Variants in PARP1 observed in about 807,000 individuals in gnomAD.
PARP1 encodes poly [ADP-ribose] polymerase 1.
A neutral mutation model predicts 118.7 loss-of-function variants in PARP1; 44 were observed. The observed-to-expected ratio is 0.37, with a 90% CI of 0.29 to 0.48. The LOEUF (loss-of-function observed/expected upper bound fraction) is 0.48, where lower values mean the gene tolerates loss of function less well. PARP1 is among the 20% of genes least tolerant of loss of function. The probability of loss-of-function intolerance (pLI) is 0.99; values close to 1 mark genes in which losing one functional copy is unlikely to be tolerated. For synonymous variants in PARP1, 492 were observed against 483.2 expected, an observed-to-expected ratio of 1.02 and a Z score of -0.24; for missense variants, 1,100 against 1,272.4, an observed-to-expected ratio of 0.86 and a Z score of 2.06.
chr1:226,367,087 T>C (rs1003120902), intron 17 of PARP1: 4 of 279,310 alleles, frequency 1.4e-5, no homozygotes, highest in South Asian at 4.0e-5. Context: ...ACTTCTGAAA[T>C]GGACACCGGT....
At chr1:226,405,267 A>G (rs1190347131) in intron 1 of PARP1, among the ~76,000 whole-genome samples, 3 of 152,148 alleles carry the variant, frequency 2.0e-5, no homozygotes, top group Non-Finnish European at 4.4e-5. Context: ...TATCAAGTAT[A>G]CCAAAGGAAA....
chr1:226,397,042 T>G (rs1264236654), intron 2 of PARP1, among the ~76,000 whole-genome samples: 1 of 151,736 alleles, frequency 6.6e-6, no homozygotes, highest in East Asian at 1.9e-4. Context: ...CTATAAACCC[T>G]GTGCTTTGGG....
At chr1:226,366,121 G>C in intron 17 of PARP1, 69 bp from the exon 18 acceptor site, 3 of 1,057,926 alleles carry the variant, frequency 2.8e-6, no homozygotes, top group Admixed American at 1.7e-5. Flanking sequence ...GAATGCTCAG[G>C]CTCAGTCAAT....
chr1:226,384,522 T>C (rs1011463307), intron 7 of PARP1, among the ~76,000 whole-genome samples: 6 of 152,232 alleles, frequency 3.9e-5, no homozygotes, highest in East Asian at 1.9e-4. Context: ...GAATGGCACA[T>C]TGCTTATTGC....
At chr1:226,374,094 C>T in intron 14 of PARP1, 132 bp downstream of exon 14, 1 of 1,040,850 alleles carries the variant, frequency 9.6e-7, no homozygotes, top group East Asian at 2.5e-5. Context: ...GATTGAAGGA[C>T]AGGTACAAGA....
chr1:226,376,872 T>C (rs1167413967), intron 13 of PARP1, among the ~76,000 whole-genome samples: 1 of 152,216 alleles, frequency 6.6e-6, no homozygotes, highest in African/African-American at 2.4e-5. Flanking sequence ...AACTGCTCTG[T>C]AGTTCTCCTG....
chr1:226,377,544 G>T (rs993704634), intron 12 of PARP1, among the ~76,000 whole-genome samples: 1 of 152,140 alleles, frequency 6.6e-6, no homozygotes, highest in South Asian at 2.1e-4. Flanking sequence ...ACTTGGTTCT[G>T]GCAGCCAAGC....
chr1:226,400,118 A>G (rs1286426833), intron 2 of PARP1, among the ~76,000 whole-genome samples: 3 of 152,178 alleles, frequency 2.0e-5, no homozygotes, highest in Admixed American at 1.3e-4. Context: ...ACACCTCTCA[A>G]TGGGGGAGAT....
chr1:226,380,034 G>A lies in PARP1; in HGVS notation c.1431C>T (p.Ile477=), dbSNP rs774081776. 6.2e-7 allele frequency: 1 copy of A among 1,614,220 alleles called. No homozygotes were observed. The highest frequency in any genetic ancestry group is 1.7e-5 in the Admixed American group (1 of 60,028). ...TCACCTCTGCCCCCCAAGGGGACAA[G>A]ATGTGCGCTAAGAACAACTCCTGAA... The part of the protein sequence containing the change: ...KSLQELFLAH[I]LSPWGAEVKA... The change falls in exon 10 of 23, where the codon ATC becomes ATT. Residue 477 remains isoleucine (I), a synonymous_variant. Coordinates refer to ENST00000366794, the MANE Select transcript of PARP1 (RefSeq NM_001618.4).
intron 1 of PARP1, 136 bp from the exon 2 acceptor site, chr1:226,402,515 T>A: frequency 6.1e-6 from 5 of 824,978 alleles, no homozygotes; most frequent in Non-Finnish European, 8.0e-6. Flanking sequence ...TTCTCCTATC[T>A]GTGAAAGGAG....
intron 18 of PARP1, among the ~76,000 whole-genome samples, chr1:226,365,443 C>T (rs1033127801): frequency 1.3e-5 from 2 of 152,190 alleles, no homozygotes; most frequent in Admixed American, 6.5e-5. Context: ...GGTTTGGGGA[C>T]AGGAAATGTC....
chr1:226,387,530 C>A (rs1411758752), intron 5 of PARP1, among the ~76,000 whole-genome samples: 2 of 152,178 alleles, frequency 1.3e-5, no homozygotes, highest in Non-Finnish European at 2.9e-5. Context: ...CACGTCTGCA[C>A]CTGTTTCCCA....
intron 4 of PARP1, 45 bp from the exon 5 acceptor site, chr1:226,388,800 G>A: frequency 7.0e-7 from 1 of 1,436,478 alleles, no homozygotes; most frequent in Non-Finnish European, 9.8e-7. Context: ...GCCATTAAAA[G>A]TCTGACACCC....
rs759984608 is a variant in PARP1, at chr1:226,362,013, G to A, written c.2919C>T (p.Thr973=). 8.7e-6 allele frequency: 14 copies of A among 1,612,848 alleles called. No individual in the cohort carries two copies. Among genetic ancestry groups the A allele is most frequent in the African/African-American group, 5.3e-5 (4 of 74,830 alleles). ...SLDGVDVPLG[T]GISSGVNDTS... is the part of the protein sequence containing the mutation. ...TGTCATTCACACCAGATGAAATCCC[G>A]GTCCCAAGAGGAACGTCTACACCAT... The change falls in exon 22 of 23, where the codon ACC becomes ACT. Residue 973 remains threonine (T), a synonymous_variant. Coordinates refer to ENST00000366794, the MANE Select transcript of PARP1 (RefSeq NM_001618.4).
At position 226,361,220 on chromosome 1, in the gene PARP1, T is replaced by G; in HGVS notation, c.*240A>C. 1.7e-6 allele frequency: 1 copy of G among 578,148 alleles called. No homozygotes were observed. Among genetic ancestry groups the G allele is most frequent in the South Asian group, 2.0e-5 (1 of 49,504 alleles). The allele number at this position is 578,148 out of a possible 1,614,324, so 35.8% of individuals were successfully genotyped here. A position where few individuals can be genotyped will look rare whatever the true frequency, so the allele number is the denominator to read the frequency against. On this transcript the variant is annotated 3_prime_UTR_variant, in exon 23 of 23. Transcript: ENST00000366794. ...CAGCCTTTTCTCTATGTCAGTTTTA[T>G]CTACCTGGCAAGAAAAAACAAAAAC...
chr1:226,381,341 C>T (rs1664602808), intron 8 of PARP1, 133 bp from the exon 9 acceptor site: 9 of 950,998 alleles, frequency 9.5e-6, no homozygotes, highest in Non-Finnish European at 1.5e-5. Flanking sequence ...CGCGAGAAAA[C>T]AGGACGGGAC....
intron 2 of PARP1, chr1:226,393,068 C>A: frequency 8.2e-7 from 1 of 1,224,490 alleles, no homozygotes; most frequent in Non-Finnish European, 1.1e-6. Context: ...GTAGATGATT[C>A]TATTTGATAT....
intron 1 of PARP1, among the ~76,000 whole-genome samples, chr1:226,405,500 T>C (rs1665130072): frequency 6.6e-6 from 1 of 152,070 alleles, no homozygotes; most frequent in Non-Finnish European, 1.5e-5. Flanking sequence ...AGAGACAGGT[T>C]TCACCATGTT....
At chr1:226,407,137 T>A (rs1340668257) in intron 1 of PARP1, among the ~76,000 whole-genome samples, 1 of 152,084 alleles carries the variant, frequency 6.6e-6, no homozygotes. Flanking sequence ...AAAGCCCACA[T>A]GAGAAACCCC....
Sources: gnomAD v4.1 joint callset for allele counts (sites outside exome capture counted in the v4.1 genomes callset) on GRCh38, gnomAD v4.1.1 for gene constraint, MANE v1.5 for transcripts, NCBI Gene and HGNC (gene_info 2026-07-23, HGNC 2026-07-21) for gene names.